The following AGBL4 variants were observed in gnomAD, a reference collection of about 807,000 sequenced individuals.
AGBL4 encodes the protein AGBL carboxypeptidase 4.
Under a neutral mutation model 66.4 loss-of-function variants are expected in AGBL4, and 58 were observed. The observed-to-expected ratio is 0.87, with a 90% CI of 0.71 to 1.09. AGBL4 has a LOEUF of 1.09. AGBL4 is among the 50% of genes least tolerant of loss of function. The pLI, the probability that AGBL4 is intolerant of heterozygous loss-of-function variation, is 0.00. For missense variants in AGBL4, 579 were observed against 631.0 expected (o/e 0.92, Z 0.88); for synonymous variants, 234 against 222.9 (o/e 1.05, Z -0.44).
chr1:48,762,608 AG>A (rs1644317332), intron 6 of AGBL4, among the ~76,000 whole-genome samples: 5 of 124,346 alleles, frequency 4.0e-5, no homozygotes, highest in African/African-American at 1.7e-4. Context: ...CCAGTCTTTA[AG>A]GGTTTTGTGT....
chr1:49,142,789 T>G (rs562331789), intron 4 of AGBL4, among the ~76,000 whole-genome samples: 2 of 152,246 alleles, frequency 1.3e-5, no homozygotes, highest in East Asian at 3.9e-4. Flanking sequence ...AATAAATAAT[T>G]ATAATAACAA....
intron 11 of AGBL4, among the ~76,000 whole-genome samples, chr1:48,545,941 T>C (rs1037685136): frequency 4.6e-5 from 7 of 152,176 alleles, no homozygotes; most frequent in Admixed American, 4.6e-4. Context: ...GTTGGGCTCC[T>C]CCCATGTGTA....
At chr1:49,434,222 T>C (rs1199308237) in intron 3 of AGBL4, among the ~76,000 whole-genome samples, 1 of 150,394 alleles carries the variant, frequency 6.6e-6, no homozygotes, top group Non-Finnish European at 1.5e-5. Flanking sequence ...AGAAGATCTG[T>C]CCTTTTATCA....
At chr1:49,581,408 C>T (rs1384169009) in intron 3 of AGBL4, among the ~76,000 whole-genome samples, 1 of 152,014 alleles carries the variant, frequency 6.6e-6, no homozygotes, top group Non-Finnish European at 1.5e-5. Context: ...CATCATATCA[C>T]CTCATTTTTT....
At chr1:48,911,962 AC>A (rs1653165880) in intron 5 of AGBL4, among the ~76,000 whole-genome samples, 3 of 152,168 alleles carry the variant, frequency 2.0e-5, no homozygotes, top group Admixed American at 2.0e-4. Context: ...TCTGTTATAA[AC>A]AATTTCGATA....
intron 6 of AGBL4, among the ~76,000 whole-genome samples, chr1:48,677,256 A>T (rs1049507686): frequency 6.6e-6 from 1 of 152,244 alleles, no homozygotes; most frequent in African/African-American, 2.4e-5. Context: ...ATAGACGTGC[A>T]GTGTCTCAGG....
chr1:49,330,830 A>C (rs1645317447), intron 3 of AGBL4, among the ~76,000 whole-genome samples: 1 of 152,152 alleles, frequency 6.6e-6, no homozygotes, highest in South Asian at 2.1e-4. Context: ...AGAGGAATTA[A>C]AGGGGCGAGT....
At chr1:49,115,749 C>A (rs1333526330) in intron 4 of AGBL4, among the ~76,000 whole-genome samples, 1 of 152,082 alleles carries the variant, frequency 6.6e-6, no homozygotes, top group Non-Finnish European at 1.5e-5. Flanking sequence ...AAGTTAATTT[C>A]AATTCTAAGA....
chr1:48,528,595 TACTTACTGGCTGTGG>T (rs961054120), downstream of AGBL4, among the ~76,000 whole-genome samples: 1 of 152,022 alleles, frequency 6.6e-6, no homozygotes, highest in Non-Finnish European at 1.5e-5. Flanking sequence ...CTGTCCTAGT[TACTTACTGGCTGTGG>T]ACCACGGGCA....
chr1:49,743,969 G>C (rs1027547404), intron 2 of AGBL4, among the ~76,000 whole-genome samples: 8 of 151,722 alleles, frequency 5.3e-5, no homozygotes, highest in Non-Finnish European at 8.8e-5. Context: ...ACGAGTTAGT[G>C]GGTGCAGCAC....
At chr1:49,367,888 G>A (rs1379548105) in intron 3 of AGBL4, among the ~76,000 whole-genome samples, 1 of 152,030 alleles carries the variant, frequency 6.6e-6, no homozygotes, top group East Asian at 1.9e-4. Context: ...CCCAAAAGTA[G>A]AACCCATCTA....
At chr1:48,556,696 C>A (rs1644326287) in intron 11 of AGBL4, among the ~76,000 whole-genome samples, 1 of 152,234 alleles carries the variant, frequency 6.6e-6, no homozygotes. Context: ...CTATACTCTC[C>A]CAGAGCCTCC....
chr1:48,933,470 C>T (rs1297064374), intron 5 of AGBL4, among the ~76,000 whole-genome samples: 1 of 152,160 alleles, frequency 6.6e-6, no homozygotes, highest in Non-Finnish European at 1.5e-5. Flanking sequence ...CTCCCTATAG[C>T]TTTTATTCAT....
chr1:49,481,846 T>A (rs922085513), intron 3 of AGBL4, among the ~76,000 whole-genome samples: 1 of 151,690 alleles, frequency 6.6e-6, no homozygotes, highest in African/African-American at 2.4e-5. Context: ...AGATGTGAAA[T>A]TTTATCAAAA....
intron 6 of AGBL4, among the ~76,000 whole-genome samples, chr1:48,709,166 C>T (rs962314267): frequency 2.0e-5 from 3 of 152,198 alleles, no homozygotes; most frequent in Non-Finnish European, 4.4e-5. Context: ...GAGTGCAGCT[C>T]CAAGCCTGCT....
In AGBL4 at chr1:48,727,964, G is replaced by A. The variant is rs140642775; in HGVS notation, c.635-64723C>T. Reference sequence around the variant, plus strand: ...TGATATCCATGATTTTTTCACAGATGTACTTGTTGACTTTGGAGAGTCTCT... The same window carrying A: ...TGATATCCATGATTTTTTCACAGATATACTTGTTGACTTTGGAGAGTCTCT... On this transcript the variant is annotated intron_variant, in intron 6 of 13. Transcript: ENST00000371839. The A allele has an allele frequency of 9.9e-5, 159 of 1,611,222 alleles. 1 individual carries two copies. The East Asian group carries it at 3.5e-3, about 35-fold the overall frequency.
intron 2 of AGBL4, among the ~76,000 whole-genome samples, chr1:49,783,564 C>T (rs761191619): frequency 6.6e-5 from 10 of 152,188 alleles, no homozygotes; most frequent in South Asian, 4.1e-4. Flanking sequence ...TAGTGAAAGA[C>T]GGCTACTTTT....
At chr1:49,626,678 T>C (rs1645469264) in intron 3 of AGBL4, among the ~76,000 whole-genome samples, 1 of 152,026 alleles carries the variant, frequency 6.6e-6, no homozygotes, top group African/African-American at 2.4e-5. Flanking sequence ...CTCAGCATTA[T>C]TCTGTATTTC....
At chr1:48,989,197 G>A (rs937392424) in intron 5 of AGBL4, among the ~76,000 whole-genome samples, 4 of 152,050 alleles carry the variant, frequency 2.6e-5, no homozygotes, top group South Asian at 2.1e-4. Context: ...TGTGTTCTTC[G>A]AGAGCCTTCA....
Sources: allele counts gnomAD v4.1 joint callset (sites outside exome capture counted in the v4.1 genomes callset), GRCh38; gene constraint gnomAD v4.1.1; transcripts MANE v1.5; gene names NCBI Gene and HGNC (gene_info 2026-07-23, HGNC 2026-07-21).